TKTL1: variants seen among roughly 807,000 people sequenced by gnomAD.
TKTL1 encodes the protein transketolase like 1, also known as transketolase-like protein 1.
TKTL1 carries 1 observed loss-of-function variant against 39.3 expected under a neutral mutation model. The observed-to-expected ratio is 0.03, with a 90% CI of 0.01 to 0.12. The LOEUF (loss-of-function observed/expected upper bound fraction) is 0.12, where lower values mean the gene tolerates loss of function less well. Ranked by LOEUF, TKTL1 falls within the 10% of genes least tolerant of loss-of-function variation. The probability of loss-of-function intolerance (pLI) is 1.00; values close to 1 mark genes in which losing one functional copy is unlikely to be tolerated. For missense variants in TKTL1, 575 were observed against 509.6 expected (o/e 1.13, Z -1.24); for synonymous variants, 262 against 193.8 (o/e 1.35, Z -2.92).
At chrX:154,296,586 G>C (rs782158255) in intron 1 of TKTL1, among the ~76,000 whole-genome samples, 23 of 111,878 alleles carry the variant, frequency 2.1e-4, no homozygotes, top group South Asian at 1.1e-3. Context: ...TGTGCTGTTG[G>C]GTTTGCTGGT....
intron 8 of TKTL1, among the ~76,000 whole-genome samples, chrX:154,322,229 CA>C (rs34229834): frequency 0.028 from 1,189 of 41,822 alleles, 8 homozygotes; most frequent in African/African-American, 0.044. Context: ...GAGGCTTTGT[CA>C]AAAAAAAAAA....
intron 1 of TKTL1, chrX:154,304,885 A>T (rs1287887589): frequency 3.3e-6 from 2 of 605,729 alleles, no homozygotes; most frequent in Non-Finnish European, 4.7e-6. Flanking sequence ...CTACCATGAC[A>T]AATTTCTCAG....
At chrX:154,316,297 C>T (rs1433399200) in intron 7 of TKTL1, among the ~76,000 whole-genome samples, 1 of 111,149 alleles carries the variant, frequency 9.0e-6, no homozygotes, top group African/African-American at 3.3e-5. Context: ...GTCTCAATCT[C>T]CTGACCTCGT....
chrX:154,312,552 T>C (rs2067366312), intron 5 of TKTL1, 28 bp from the exon 6 acceptor site: 1 of 1,187,447 alleles, frequency 8.4e-7, no homozygotes. Context: ...ATTTATGGAA[T>C]GGATGTCTTT....
intron 7 of TKTL1, 76 bp downstream of exon 7, chrX:154,315,413 TTTTC>T: frequency 1.9e-6 from 2 of 1,026,275 alleles, no homozygotes; most frequent in Non-Finnish European, 2.6e-6. Flanking sequence ...CTGTGCTAGT[TTTTC>T]TTTCCATTTA....
At position 154,295,891 on chromosome X, in the gene TKTL1, C is replaced by T. The variant is rs781822420; in HGVS notation, c.32C>T (p.Pro11Leu). 12 of 1,210,042 alleles carry T rather than the reference C, an allele frequency of 9.9e-6. No homozygotes were observed. Among genetic ancestry groups the T allele is most frequent in the Admixed American group, 4.4e-5 (2 of 45,782 alleles). ...GATGCTGAGGCGAGGGCTGAGTTCC[C>T]GGAGGAGGCCAGACCTGACAGGGGC... MADAEARAEF[P>L]EEARPDRGTL... The change falls in exon 1 of 13, where the codon CCG becomes CTG. Residue 11 changes from proline (P) to leucine (L), a missense_variant. Coordinates refer to ENST00000369915, the MANE Select transcript of TKTL1 (RefSeq NM_012253.4).
chrX:154,298,676 A>G (rs1557165189), intron 1 of TKTL1, among the ~76,000 whole-genome samples: 2 of 106,078 alleles, frequency 1.9e-5, no homozygotes, highest in African/African-American at 7.2e-5. Context: ...CCTGGGTGAC[A>G]AACTGAGACC....
rs921644674 is a variant in TKTL1 at position 154,320,813 on chromosome X, C to T, written c.1086C>T (p.Thr362=). 1.7e-6 allele frequency: 2 copies of T among 1,211,107 alleles called. No individual in the cohort carries two copies. The highest frequency in any genetic ancestry group is 2.2e-6 in the Non-Finnish European group (2 of 894,977). ...SRGRTIAFAS[T]FAAFLTRAFD... ...GACGGACCATTGCTTTTGCTAGCAC[C>T]TTTGCTGCCTTTCTGACTCGAGCAT... The change falls in exon 8 of 13, where the codon ACC becomes ACT. Residue 362 remains threonine, a synonymous_variant. Transcript: ENST00000369915.
At chrX:154,307,013 AG>A (rs1226601291) in intron 2 of TKTL1, among the ~76,000 whole-genome samples, 1 of 107,683 alleles carries the variant, frequency 9.3e-6, no homozygotes, top group Non-Finnish European at 1.9e-5. Flanking sequence ...AAATAAGGAA[AG>A]GCTGGGTACA....
chrX:154,305,390 A>G lies in TKTL1; in HGVS notation c.221A>G (p.Asn74Ser). The change falls in exon 2 of 13, where the codon AAT (asparagine) becomes AGT (serine). Residue 74 changes from asparagine (N) to serine (S), a missense_variant. Coordinates refer to ENST00000369915, the MANE Select transcript of TKTL1 (RefSeq NM_012253.4). The stretch of plus-strand genomic sequence containing the variant: ...AGGTACAAGCAGTCAGATCCAGAGA[A>G]TCCGGACAACGACCGATTTGTCCTC... ...IMRYKQSDPE[N>S]PDNDRFVLAK... 1 of 1,210,210 alleles carries G rather than the reference A, an allele frequency of 8.3e-7. No homozygotes were observed. Among genetic ancestry groups the G allele is most frequent in the East Asian group, 3.0e-5 (1 of 33,820 alleles).
At chrX:154,311,269 T>G in intron 5 of TKTL1, 31 bp downstream of exon 5, 2 of 1,209,365 alleles carry the variant, frequency 1.7e-6, no homozygotes, top group Non-Finnish European at 2.2e-6. Context: ...TGCTCCTGGT[T>G]GTTAAAAGCA....
In TKTL1 at chrX:154,328,047, T is replaced by C. The variant is rs781867421; in HGVS notation, c.1618+89T>C. 3 of 1,081,404 alleles carry C rather than the reference T, an allele frequency of 2.8e-6. No homozygotes were observed. The South Asian group carries it at 5.9e-5, about 21-fold the overall frequency. 89.1% of individuals were successfully genotyped at this position (1,081,404 alleles called of 1,213,427 possible). Reference sequence around the variant, plus strand: ...ATGGCATGCTCTCAGGCATCACCTATAGTCTACCTCTCACCCAGCATGGCT... The same window carrying C: ...ATGGCATGCTCTCAGGCATCACCTACAGTCTACCTCTCACCCAGCATGGCT... On this transcript the variant is annotated intron_variant, in intron 12 of 12. Coordinates refer to ENST00000369915, the MANE Select transcript of TKTL1 (RefSeq NM_012253.4).
chrX:154,315,964 T>C (rs1478597982), intron 7 of TKTL1, among the ~76,000 whole-genome samples: 1 of 111,852 alleles, frequency 8.9e-6, no homozygotes, highest in Non-Finnish European at 1.9e-5. Context: ...CTTTGAACTC[T>C]AAAGCTCTGC....
chrX:154,311,967 A>C (rs1331573424), intron 5 of TKTL1, among the ~76,000 whole-genome samples: 1 of 110,206 alleles, frequency 9.1e-6, no homozygotes, highest in African/African-American at 3.3e-5. Flanking sequence ...TACTACCATG[A>C]CTGTTGCCAC....
Position 154,305,286 on chromosome X carries a change from G to T in TKTL1, c.135-18G>T, listed in dbSNP as rs781868118. The T allele has an allele frequency of 8.3e-7, 1 of 1,200,166 alleles. No homozygotes were observed. Among genetic ancestry groups the T allele is most frequent in the African/African-American group, 1.8e-5 (1 of 56,850 alleles). ...CCAGTTGCTGTGAGAAATGACCAGT[G>T]TCATGTCTGTCTTTCAGCCACCCTA... On this transcript the variant is annotated intron_variant, in intron 1 of 12. Transcript: ENST00000369915.
intron 8 of TKTL1, among the ~76,000 whole-genome samples, chrX:154,321,907 G>A (rs1464615987): frequency 5.5e-5 from 6 of 109,406 alleles, no homozygotes; most frequent in Non-Finnish European, 1.1e-4. Flanking sequence ...GGGCAGAGGG[G>A]CCTAGGAAAG....
chrX:154,305,112 AG>A (rs1491164553), intron 1 of TKTL1, 191 bp from the exon 2 acceptor site: 1 of 1,152,589 alleles, frequency 8.7e-7, no homozygotes, highest in East Asian at 3.3e-5. Context: ...CACTGTGCAC[AG>A]GGGGAGGGGT....
At chrX:154,297,904 GA>G (rs1462445700) in intron 1 of TKTL1, among the ~76,000 whole-genome samples, 4 of 111,307 alleles carry the variant, frequency 3.6e-5, no homozygotes, top group South Asian at 7.4e-4. Context: ...ACCTTGTAGA[GA>G]AAAAAAAATT....
intron 6 of TKTL1, among the ~76,000 whole-genome samples, chrX:154,313,408 A>C (rs782800586): frequency 4.5e-5 from 5 of 111,853 alleles, no homozygotes; most frequent in African/African-American, 1.6e-4. Context: ...GCACCTTTAC[A>C]TCCTGCCTTC....
Sources: gnomAD v4.1 joint callset for allele counts (sites outside exome capture counted in the v4.1 genomes callset) on GRCh38, gnomAD v4.1.1 for gene constraint, MANE v1.5 for transcripts, NCBI Gene and HGNC (gene_info 2026-07-23, HGNC 2026-07-21) for gene names.